CDKAL1: variants seen among roughly 807,000 people sequenced by gnomAD.
The protein encoded by CDKAL1 is threonylcarbamoyladenosine tRNA methylthiotransferase.
Under a neutral mutation model 68.2 loss-of-function variants are expected in CDKAL1, and 32 were observed. The ratio of observed to expected loss-of-function variants is 0.47; its 90% CI spans 0.35 to 0.63. CDKAL1 has a LOEUF of 0.63. Among genes scored for constraint, CDKAL1 ranks in the 30% least tolerant of loss-of-function variants. The pLI is 0.00. For synonymous variants in CDKAL1, 234 were observed against 244.3 expected (o/e 0.96, Z 0.39); for missense variants, 606 against 696.7 (o/e 0.87, Z 1.47).
intron 13 of CDKAL1, among the ~76,000 whole-genome samples, chr6:21,134,684 G>T (rs1417491681): frequency 6.6e-6 from 1 of 152,040 alleles, no homozygotes; most frequent in African/African-American, 2.4e-5. Flanking sequence ...TACAGCTTCT[G>T]CTTGAAAAGT....
chr6:20,963,430 C>G (rs752009495), intron 10 of CDKAL1, among the ~76,000 whole-genome samples: 53 of 152,256 alleles, frequency 3.5e-4, no homozygotes, highest in African/African-American at 6.7e-4. Context: ...GCCCAAGAAG[C>G]CAAAGCTTTT....
chr6:21,109,527 G>A (rs1774018846), intron 13 of CDKAL1, among the ~76,000 whole-genome samples: 2 of 152,308 alleles, frequency 1.3e-5, no homozygotes, highest in South Asian at 4.1e-4. Flanking sequence ...ACTCGTAAAA[G>A]AGATGTTTAT....
chr6:20,906,420 T>A (rs889557099), intron 9 of CDKAL1, among the ~76,000 whole-genome samples: 3 of 152,174 alleles, frequency 2.0e-5, no homozygotes, highest in Admixed American at 6.5e-5. Context: ...TAATTTCCAA[T>A]GCAACCACAA....
At chr6:21,030,914 A>G (rs948446712) in intron 11 of CDKAL1, among the ~76,000 whole-genome samples, 1 of 152,090 alleles carries the variant, frequency 6.6e-6, no homozygotes, top group African/African-American at 2.4e-5. Flanking sequence ...GTGCTGGTGC[A>G]TGTCTCTTTC....
chr6:21,155,946 G>C (rs572547198), intron 13 of CDKAL1, among the ~76,000 whole-genome samples: 3 of 152,268 alleles, frequency 2.0e-5, no homozygotes, highest in African/African-American at 7.2e-5. Context: ...AGTGGGTGAT[G>C]AGTTAAATAA....
At chr6:20,780,526 A>T (rs746274797) in intron 7 of CDKAL1, among the ~76,000 whole-genome samples, 13 of 152,198 alleles carry the variant, frequency 8.5e-5, no homozygotes, top group Admixed American at 3.3e-4. Flanking sequence ...CCTGCTGCAC[A>T]TGCATATTTG....
intron 12 of CDKAL1, among the ~76,000 whole-genome samples, chr6:21,082,878 T>TTG (rs1772482051): frequency 6.7e-6 from 1 of 149,906 alleles, no homozygotes; most frequent in African/African-American, 2.4e-5. Context: ...TCTTTTGTTT[T>TTG]TTTTTTTTTT....
chr6:20,859,024 T>C (rs1561836829), intron 9 of CDKAL1, among the ~76,000 whole-genome samples: 1 of 152,132 alleles, frequency 6.6e-6, no homozygotes, highest in Non-Finnish European at 1.5e-5. Flanking sequence ...TTGCATATTA[T>C]CCATTTTTTA....
chr6:20,620,439 A>G (rs1479546639), intron 4 of CDKAL1, among the ~76,000 whole-genome samples: 2 of 152,184 alleles, frequency 1.3e-5, no homozygotes, highest in Non-Finnish European at 2.9e-5. Flanking sequence ...ATCATCTTTA[A>G]TCTTCACAAC....
intron 9 of CDKAL1, among the ~76,000 whole-genome samples, chr6:20,892,140 C>G (rs1761442295): frequency 6.6e-6 from 1 of 152,118 alleles, no homozygotes; most frequent in Non-Finnish European, 1.5e-5. Flanking sequence ...GGGGACATTC[C>G]CATTCTTAAA....
intron 11 of CDKAL1, among the ~76,000 whole-genome samples, chr6:21,010,816 G>A (rs1767969279): frequency 6.6e-6 from 1 of 152,164 alleles, no homozygotes. Flanking sequence ...GGGCGCGATG[G>A]TTCACGCCTG....
intron 11 of CDKAL1, among the ~76,000 whole-genome samples, chr6:21,056,040 C>A (rs1770816542): frequency 6.6e-6 from 1 of 152,124 alleles, no homozygotes; most frequent in Non-Finnish European, 1.5e-5. Context: ...TCTGTTGTTT[C>A]TTGACTTTTT....
intron 9 of CDKAL1, among the ~76,000 whole-genome samples, chr6:20,850,349 T>C (rs1327678100): frequency 6.6e-6 from 1 of 152,238 alleles, no homozygotes; most frequent in Non-Finnish European, 1.5e-5. Context: ...TTAAACTCTA[T>C]ATCAACTGTG....
At chr6:20,695,266 C>T (rs573336547) in intron 5 of CDKAL1, among the ~76,000 whole-genome samples, 1 of 152,164 alleles carries the variant, frequency 6.6e-6, no homozygotes, top group African/African-American at 2.4e-5. Flanking sequence ...TGGGAGTATC[C>T]AGAATTATTT....
At chr6:20,742,822 A>C (rs1276076543) in intron 6 of CDKAL1, among the ~76,000 whole-genome samples, 1 of 151,996 alleles carries the variant, frequency 6.6e-6, no homozygotes, top group Non-Finnish European at 1.5e-5. Context: ...TTATTTGTTA[A>C]TATCATTTTG....
At chr6:21,169,555 G>C (rs1777289270) in intron 13 of CDKAL1, among the ~76,000 whole-genome samples, 1 of 152,180 alleles carries the variant, frequency 6.6e-6, no homozygotes, top group Non-Finnish European at 1.5e-5. Flanking sequence ...GGAATCACTT[G>C]AACCCGGGAG....
intron 13 of CDKAL1, among the ~76,000 whole-genome samples, chr6:21,170,115 G>T (rs1777320786): frequency 6.6e-6 from 1 of 152,162 alleles, no homozygotes; most frequent in African/African-American, 2.4e-5. Flanking sequence ...GCACACAACT[G>T]AAGTTTAATG....
chr6:20,809,823 C>T (rs957498634), intron 8 of CDKAL1, among the ~76,000 whole-genome samples: 1 of 152,114 alleles, frequency 6.6e-6, no homozygotes, highest in African/African-American at 2.4e-5. Flanking sequence ...TTATTGTATT[C>T]TTAGCTGGTT....
At chr6:20,581,933 G>A (rs1023338360) in intron 4 of CDKAL1, among the ~76,000 whole-genome samples, 1 of 152,114 alleles carries the variant, frequency 6.6e-6, no homozygotes, top group African/African-American at 2.4e-5. Flanking sequence ...ATGCTGTCTT[G>A]TAGACCCTGG....
Sources: gnomAD v4.1 joint callset for allele counts (sites outside exome capture counted in the v4.1 genomes callset) on GRCh38, gnomAD v4.1.1 for gene constraint, MANE v1.5 for transcripts, NCBI Gene and HGNC (gene_info 2026-07-23, HGNC 2026-07-21) for gene names.